SERPINB5: variants seen among roughly 807,000 people sequenced by gnomAD.
The protein encoded by SERPINB5 is serpin B5.
SERPINB5 carries 27 observed loss-of-function variants against 32.2 expected under a neutral mutation model. That is an observed-to-expected ratio of 0.84 (90% CI 0.62 to 1.16). The LOEUF (loss-of-function observed/expected upper bound fraction) is 1.16, where lower values mean the gene tolerates loss of function less well. SERPINB5 is among the 50% of genes most tolerant of loss of function. The pLI, the probability that SERPINB5 is intolerant of heterozygous loss-of-function variation, is 0.00. For missense variants in SERPINB5, 388 were observed against 436.3 expected, an observed-to-expected ratio of 0.89 and a Z score of 0.99; for synonymous variants, 154 against 157.4, an observed-to-expected ratio of 0.98 and a Z score of 0.16.
At chr18:63,499,385 C>G in intron 6 of SERPINB5, 98 bp downstream of exon 6, 1 of 1,097,934 alleles carries the variant, frequency 9.1e-7, no homozygotes, top group Non-Finnish European at 1.2e-6. Context: ...GGGCCGGTAG[C>G]CCTCCCTTAT....
In SERPINB5 at chr18:63,497,500, A is replaced by G. The variant is rs576206597; in HGVS notation, c.568-1620A>G. 3.6e-4 allele frequency: 34 copies of G among 94,672 alleles called. 1 individual carries two copies. The highest frequency in any genetic ancestry group is 2.2e-3 in the South Asian group (14 of 6,296). The allele number at this position is 94,672 out of a possible 1,614,324, so 5.9% of individuals were successfully genotyped here. On this transcript the variant is annotated intron_variant, in intron 5 of 6. Coordinates refer to ENST00000382771, the MANE Select transcript of SERPINB5 (RefSeq NM_002639.5). The stretch of plus-strand genomic sequence containing the variant: ...TTTACCATTGAACACAACGTTTCTG[A>G]AAAAAAAAAAAAAAGAGCCAAGCAT...
At chr18:63,484,700 G>T in intron 2 of SERPINB5, 104 bp downstream of exon 2, 1 of 811,296 alleles carries the variant, frequency 1.2e-6, no homozygotes, top group Non-Finnish European at 1.8e-6. Flanking sequence ...GGCCAGAATT[G>T]GTCAAGATTC....
At chr18:63,491,002 G>T (rs939858024) in intron 4 of SERPINB5, among the ~76,000 whole-genome samples, 2 of 152,098 alleles carry the variant, frequency 1.3e-5, no homozygotes, top group African/African-American at 2.4e-5. Flanking sequence ...ACCCCACAAA[G>T]TCCATTATGT....
Position 63,503,916 on chromosome 18 carries a change from CT to C in SERPINB5, c.*200del. On this transcript the variant is annotated 3_prime_UTR_variant, in exon 7 of 7. Transcript: ENST00000382771. Reference sequence around the variant, plus strand: ...TTTTTCCAATTCTATCTTTTGTTTCCTTTTTTCCCATAAGACAATGACATAC... The same window carrying C: ...TTTTTCCAATTCTATCTTTTGTTTCCTTTTTCCCATAAGACAATGACATAC... 3.4e-6 allele frequency: 2 copies of C among 581,224 alleles called. No individual in the cohort carries two copies. The highest frequency in any genetic ancestry group is 3.4e-5 in the Admixed American group (1 of 29,062). The allele number at this position is 581,224 out of a possible 1,614,324, so 36.0% of individuals were successfully genotyped here.
At chr18:63,488,669 G>T (rs1599389273) in intron 3 of SERPINB5, among the ~76,000 whole-genome samples, 1 of 152,154 alleles carries the variant, frequency 6.6e-6, no homozygotes, top group Admixed American at 6.5e-5. Context: ...AACCCAGGTA[G>T]TTCTGATTAA....
rs113441223 is a variant in SERPINB5, at chr18:63,484,852, T to C, written c.168+256T>C. Among the ~76,000 whole-genome samples the C allele has an allele frequency of 6.1e-3, 912 of 148,800 alleles. 11 individuals are homozygous for C. The highest frequency in any genetic ancestry group is 0.021 in the African/African-American group (848 of 40,700). On this transcript the variant is annotated intron_variant, in intron 2 of 6. Coordinates refer to ENST00000382771, the MANE Select transcript of SERPINB5 (RefSeq NM_002639.5). The stretch of plus-strand genomic sequence containing the variant: ...AGCCTCCAGGTTCAAGCGATTGTTG[T>C]GCCTCAGCCTGCCGAGTAGCTGGGA...
At chr18:63,480,826 C>T (rs751563160) in intron 1 of SERPINB5, among the ~76,000 whole-genome samples, 5 of 152,180 alleles carry the variant, frequency 3.3e-5, no homozygotes, top group Non-Finnish European at 7.3e-5. Context: ...CAACCTTTTC[C>T]ATGTACAGAC....
At chr18:63,478,583 G>C (rs544251910) in intron 1 of SERPINB5, among the ~76,000 whole-genome samples, 1 of 152,256 alleles carries the variant, frequency 6.6e-6, no homozygotes, top group Non-Finnish European at 1.5e-5. Context: ...AACAGAGGTT[G>C]TGTTTTTTGG....
intron 5 of SERPINB5, chr18:63,496,978 A>G (rs747436369): frequency 1.2e-5 from 6 of 494,078 alleles, no homozygotes; most frequent in Non-Finnish European, 2.0e-5. Context: ...TAAAGTTGGG[A>G]GACTGAGAAA....
chr18:63,489,250 T>G, intron 3 of SERPINB5, 97 bp from the exon 4 acceptor site: 2 of 678,316 alleles, frequency 2.9e-6, no homozygotes, highest in Non-Finnish European at 2.5e-6. Context: ...AAAGTGTACA[T>G]ATAGCAGTTG....
chr18:63,495,260 G>T (rs1344512517), intron 5 of SERPINB5, among the ~76,000 whole-genome samples: 1 of 152,178 alleles, frequency 6.6e-6, no homozygotes, highest in Non-Finnish European at 1.5e-5. Context: ...GCACACACAG[G>T]TCCTTGAGTT....
intron 1 of SERPINB5, among the ~76,000 whole-genome samples, chr18:63,480,172 A>G (rs1255685893): frequency 1.3e-5 from 2 of 152,228 alleles, no homozygotes; most frequent in Non-Finnish European, 2.9e-5. Context: ...ATCCTCTCCA[A>G]GATCTTGTCC....
chr18:63,479,955 A>G (rs866856720), intron 1 of SERPINB5, among the ~76,000 whole-genome samples: 3 of 152,210 alleles, frequency 2.0e-5, no homozygotes, highest in Admixed American at 6.5e-5. Flanking sequence ...GAGACTTCTG[A>G]GAGAACAAAT....
chr18:63,489,582 A>G, intron 4 of SERPINB5, 118 bp downstream of exon 4: 1 of 663,426 alleles, frequency 1.5e-6, no homozygotes, highest in Non-Finnish European at 2.6e-6. Flanking sequence ...TATTTTTACT[A>G]CACAAGCTAA....
At chr18:63,478,374 C>T (rs923117995) in intron 1 of SERPINB5, among the ~76,000 whole-genome samples, 18 of 152,144 alleles carry the variant, frequency 1.2e-4, no homozygotes, top group Admixed American at 9.8e-4. Context: ...GCAAAGCAGA[C>T]GCCCCCCTGC....
At chr18:63,477,602 T>G (rs1036243712) in intron 1 of SERPINB5, among the ~76,000 whole-genome samples, 1 of 152,230 alleles carries the variant, frequency 6.6e-6, no homozygotes, top group Non-Finnish European at 1.5e-5. Context: ...AACTGCATTC[T>G]TCTAAGCGGA....
At chr18:63,488,426 G>A (rs946048560) in intron 3 of SERPINB5, among the ~76,000 whole-genome samples, 6 of 152,146 alleles carry the variant, frequency 3.9e-5, no homozygotes, top group African/African-American at 1.2e-4. Context: ...CCTTGGAGAT[G>A]GAGTCTTTCT....
intron 5 of SERPINB5, among the ~76,000 whole-genome samples, chr18:63,495,530 C>G (rs1909429179): frequency 6.6e-6 from 1 of 152,230 alleles, no homozygotes; most frequent in Non-Finnish European, 1.5e-5. Context: ...AATGGTGCCT[C>G]TCTTCAAGAC....
chr18:63,498,125 G>T lies in SERPINB5; in HGVS notation c.568-995G>T, dbSNP rs564035467. ...TTTTGAGATGGAGTCTCGCTCTGTTGCCCAGGCTGGAGTGAGTGCAGTGGT... is the reference window on the plus strand; with the variant it reads ...TTTTGAGATGGAGTCTCGCTCTGTTTCCCAGGCTGGAGTGAGTGCAGTGGT... On this transcript the variant is annotated intron_variant, in intron 5 of 6. Coordinates refer to ENST00000382771, the MANE Select transcript of SERPINB5 (RefSeq NM_002639.5). This position sits in a 1 kb window ranked among gnomAD's most constrained non-coding sequence, Gnocchi z 4.2. 7.9e-5 allele frequency among the ~76,000 whole-genome samples: 12 copies of T among 152,156 alleles called. No individual in the cohort carries two copies. Among genetic ancestry groups the T allele is most frequent in the Non-Finnish European group, 1.5e-4 (10 of 68,028 alleles).
Sources: gnomAD v4.1 joint callset for allele counts (sites outside exome capture counted in the v4.1 genomes callset) on GRCh38, gnomAD v4.1.1 for gene constraint, Gnocchi (gnomAD v3.1) non-coding constraint, MANE v1.5 for transcripts, NCBI Gene and HGNC (gene_info 2026-07-23, HGNC 2026-07-21) for gene names.